The following SVEP1 variants were observed in gnomAD, a reference collection of about 807,000 sequenced individuals.
SVEP1 encodes the protein sushi, von Willebrand factor type A, EGF and pentraxin domain-containing protein 1.
In SVEP1, 164 loss-of-function variants were observed where a neutral mutation model predicts 367.3. That is an observed-to-expected ratio of 0.45 (90% CI 0.39 to 0.51). The LOEUF (loss-of-function observed/expected upper bound fraction) is 0.51. Ranked by LOEUF, SVEP1 falls within the 20% of genes least tolerant of loss-of-function variation. The pLI is 0.00. For missense variants in SVEP1, 4,117 were observed against 4,425.3 expected (o/e 0.93, Z 1.98); for synonymous variants, 1,666 against 1,611.6 (o/e 1.03, Z -0.81).
chr9:110,450,618 C>CA (rs1730159968), intron 23 of SVEP1, among the ~76,000 whole-genome samples: 1 of 151,540 alleles, frequency 6.6e-6, no homozygotes, highest in African/African-American at 2.4e-5. Context: ...TACAGGCACC[C>CA]ACCACCACAC....
intron 1 of SVEP1, among the ~76,000 whole-genome samples, chr9:110,572,176 A>T (rs1479331873): frequency 6.6e-6 from 1 of 152,204 alleles, no homozygotes; most frequent in Non-Finnish European, 1.5e-5. Flanking sequence ...TGTCTTTGGC[A>T]TTTACTTAGC....
chr9:110,579,536 G>A lies in SVEP1; in HGVS notation c.8C>T (p.Pro3Leu). 1 of 1,598,454 alleles carries A rather than the reference G, an allele frequency of 6.3e-7. No homozygotes were observed. Among genetic ancestry groups the A allele is most frequent in the Non-Finnish European group, 8.5e-7 (1 of 1,174,172 alleles). MW[P>L]RLAFCCWGLA... ...ACCCCAGCAACAAAAGGCCAGGCGAGGCCACATCGCGCTGGAGACAGAGCG... is the reference window on the plus strand; with the variant it reads ...ACCCCAGCAACAAAAGGCCAGGCGAAGCCACATCGCGCTGGAGACAGAGCG... Residue 3 changes from proline (P) to leucine (L), a missense_variant, in exon 1 of 48, where the codon CCT (proline) becomes CTT (leucine). By Grantham distance (98) the Pro-to-Leu change is moderately conservative. Transcript: ENST00000374469. This position sits in a 1 kb window ranked among gnomAD's most constrained non-coding sequence, Gnocchi z 5.3.
chr9:110,546,168 T>A lies in SVEP1; in HGVS notation c.911A>T (p.Glu304Val). 1 of 1,556,428 alleles carries A rather than the reference T, an allele frequency of 6.4e-7. No individual in the cohort carries two copies. ...GTAATACCCCTTTTCACAGATGCAC[T>A]CAAAATGGCCTGTGTGTGTCCCACA... ...CKCGTHTGHF[E>V]CICEKGYYGK... Residue 304 changes from glutamate (E) to valine (V), a missense_variant, in exon 3 of 48, where the codon GAG (glutamate) becomes GTG (valine). Around this residue, in one of 4 missense-constraint regions of SVEP1, gnomAD observed 2,174 missense variants for 2,494.3 expected, o/e 0.87. Coordinates refer to ENST00000374469, the MANE Select transcript of SVEP1 (RefSeq NM_153366.4).
intron 3 of SVEP1, among the ~76,000 whole-genome samples, chr9:110,528,960 C>T (rs969422147): frequency 2.6e-5 from 4 of 151,950 alleles, no homozygotes; most frequent in Admixed American, 6.6e-5. Context: ...AGGTCAATGT[C>T]CAGGACAGTT....
intron 14 of SVEP1, 148 bp from the exon 15 acceptor site, chr9:110,472,471 T>A (rs895281848): frequency 1.6e-6 from 1 of 627,894 alleles, no homozygotes; most frequent in Non-Finnish European, 2.5e-6. Flanking sequence ...GTCTACAATG[T>A]TATATATATT....
chr9:110,390,065 G>GTATATA (rs1410718985), intron 40 of SVEP1, among the ~76,000 whole-genome samples: 1 of 103,878 alleles, frequency 9.6e-6, no homozygotes, highest in African/African-American at 3.6e-5. Flanking sequence ...ATATATATAA[G>GTATATA]TATATATATA....
chr9:110,407,287 T>C lies in SVEP1; in HGVS notation c.8313A>G (p.Glu2771=). The change falls in exon 38 of 48, where the codon GAA becomes GAG. Residue 2771 remains glutamate (E), a synonymous_variant. Transcript: ENST00000374469. ...RKWSGASPRC[E]AISCKKPNPV... ...GATTTGGCTTTTTGCATGAAATGGC[T>C]TCACAGCGTGGGGAGGCACCACTCC... is the stretch of plus-strand genomic sequence containing the variant. The C allele has an allele frequency of 2.5e-6, 4 of 1,614,010 alleles. No individual in the cohort carries two copies. The highest frequency in any genetic ancestry group is 3.4e-6 in the Non-Finnish European group (4 of 1,179,902).
intron 23 of SVEP1, among the ~76,000 whole-genome samples, chr9:110,450,530 C>T (rs561718164): frequency 1.5e-5 from 2 of 132,840 alleles, no homozygotes; most frequent in South Asian, 2.4e-4. Context: ...AGTACAGTGG[C>T]GCGATCTCGG....
At chr9:110,404,590 G>A in intron 38 of SVEP1, 38 bp from the exon 39 acceptor site, 2 of 1,566,530 alleles carry the variant, frequency 1.3e-6, no homozygotes, top group Middle Eastern at 1.7e-4. Context: ...CTTAAATGAA[G>A]TACAATATAG....
intron 40 of SVEP1, among the ~76,000 whole-genome samples, chr9:110,396,091 G>C (rs1398853278): frequency 1.3e-5 from 2 of 152,126 alleles, no homozygotes; most frequent in Non-Finnish European, 2.9e-5. Flanking sequence ...TGACGACACA[G>C]TTGGAAATAA....
chr9:110,375,769 T>G (rs1379157918), intron 45 of SVEP1, among the ~76,000 whole-genome samples: 5 of 148,774 alleles, frequency 3.4e-5, no homozygotes, highest in African/African-American at 5.2e-5. Context: ...CTTCACAAAA[T>G]AAGCAGAACG....
intron 1 of SVEP1, among the ~76,000 whole-genome samples, chr9:110,563,574 G>T (rs894179951): frequency 6.6e-6 from 1 of 152,120 alleles, no homozygotes; most frequent in African/African-American, 2.4e-5. Context: ...CAAAGAATGA[G>T]GGCAACCACA....
rs773176754 is a variant in SVEP1, at chr9:110,406,441, G to A, written c.9159C>T (p.Ser3053=). 7.4e-6 allele frequency: 12 copies of A among 1,613,942 alleles called. No individual in the cohort carries two copies. The highest frequency in any genetic ancestry group is 1.7e-5 in the Admixed American group (1 of 60,018). Reference sequence around the variant, plus strand: ...TGTGTTCACAGTGGGGGAACCCAGAGCTCCACTGGCCATCGGCTTCACAGG... The same window carrying A: ...TGTGTTCACAGTGGGGGAACCCAGAACTCCACTGGCCATCGGCTTCACAGG... ...EITCEADGQW[S]SGFPHCEHTS... The change falls in exon 38 of 48, where the codon AGC becomes AGT. Residue 3053 remains serine (S), a synonymous_variant. Transcript: ENST00000374469.
At position 110,458,509 on chromosome 9, in the gene SVEP1, G is replaced by T. The variant is rs1384938343; in HGVS notation, c.3538C>A (p.Leu1180Ile). 1 of 1,612,962 alleles carries T rather than the reference G, an allele frequency of 6.2e-7. No homozygotes were observed. Among genetic ancestry groups the T allele is most frequent in the Non-Finnish European group, 8.5e-7 (1 of 1,179,646 alleles). ...AEESVVPPAS[L>I]GHIKKRHEIS... Reference sequence around the variant, plus strand: ...TCATGCCTCTTTTTAATATGTCCAAGAGAGGCAGGGGGCACCACACTTTCC... The same window carrying T: ...TCATGCCTCTTTTTAATATGTCCAATAGAGGCAGGGGGCACCACACTTTCC... The change falls in exon 20 of 48, where the codon CTT becomes ATT. Residue 1180 changes from leucine (L) to isoleucine (I), a missense_variant. Coordinates refer to ENST00000374469, the MANE Select transcript of SVEP1 (RefSeq NM_153366.4).
chr9:110,488,365 G>A (rs1469523493), intron 9 of SVEP1, among the ~76,000 whole-genome samples: 2 of 152,210 alleles, frequency 1.3e-5, no homozygotes, highest in Middle Eastern at 3.4e-3. Flanking sequence ...AATCACTCAG[G>A]AAAACTACAG....
intron 6 of SVEP1, among the ~76,000 whole-genome samples, chr9:110,500,385 G>A (rs999821994): frequency 6.6e-6 from 1 of 152,030 alleles, no homozygotes; most frequent in Admixed American, 6.6e-5. Context: ...TGTCAAAGTT[G>A]TTGAAAATTT....
At chr9:110,528,156 G>GTGTGTGTGTGTGTGTA in intron 3 of SVEP1, among the ~76,000 whole-genome samples, 1 of 33,940 alleles carries the variant, frequency 2.9e-5, no homozygotes, top group South Asian at 9.6e-4. Context: ...GTGTGTGTGT[G>GTGTGTGTGTGTGTGTA]TATATATATA....
At chr9:110,505,684 CT>C (rs1371324308) in intron 5 of SVEP1, among the ~76,000 whole-genome samples, 2 of 152,034 alleles carry the variant, frequency 1.3e-5, no homozygotes, top group Non-Finnish European at 2.9e-5. Flanking sequence ...TTCTCTCTCT[CT>C]CTCCTTTCTC....
At chr9:110,412,448 A>T (rs1185344154) in intron 36 of SVEP1, among the ~76,000 whole-genome samples, 2 of 152,210 alleles carry the variant, frequency 1.3e-5, no homozygotes, top group African/African-American at 4.8e-5. Context: ...ACCCTAGAAG[A>T]AAACCTAGGC....
Sources: gnomAD v4.1 joint callset for allele counts (sites outside exome capture counted in the v4.1 genomes callset) on GRCh38, gnomAD v4.1.1 for gene constraint, gnomAD v4.1.1 regional missense constraint, Gnocchi (gnomAD v3.1) non-coding constraint, MANE v1.5 for transcripts, NCBI Gene and HGNC (gene_info 2026-07-23, HGNC 2026-07-21) for gene names.